FCRL3: variants seen among roughly 807,000 people sequenced by gnomAD.
FCRL3 encodes Fc receptor-like protein 3.
FCRL3 carries 89 observed loss-of-function variants against 75.0 expected under a neutral mutation model. That is an observed-to-expected ratio of 1.19 (90% CI 1.00 to 1.42). The LOEUF is 1.42. FCRL3 is among the 40% of genes most tolerant of loss of function. The pLI, the probability that FCRL3 is intolerant of heterozygous loss-of-function variation, is 0.00. For synonymous variants in FCRL3, 376 were observed against 348.5 expected, an observed-to-expected ratio of 1.08 and a Z score of -0.88; for missense variants, 946 against 880.0, an observed-to-expected ratio of 1.07 and a Z score of -0.95.
Position 157,683,124 on chromosome 1 carries a change from A to G in FCRL3, c.1838+93T>C, listed in dbSNP as rs1358041760. ...GTAAGAACGTAAAAATGCTACTAGG[A>G]AATCCATTGAAATTTAAAAAAAAAC... On this transcript the variant is annotated intron_variant, in intron 11 of 14. Coordinates refer to ENST00000368184, the MANE Select transcript of FCRL3 (RefSeq NM_052939.4). 3 of 1,389,484 alleles carry G rather than the reference A, an allele frequency of 2.2e-6. No homozygotes were observed. The African/African-American group carries it at 4.6e-5, about 21-fold the overall frequency. The allele number at this position is 1,389,484 out of a possible 1,614,324, so 86.1% of individuals were successfully genotyped here. A position where few individuals can be genotyped will look rare whatever the true frequency, so the allele number is the denominator to read the frequency against.
intron 10 of FCRL3, among the ~76,000 whole-genome samples, chr1:157,685,884 A>T (rs1259868062): frequency 6.6e-6 from 1 of 152,136 alleles, no homozygotes; most frequent in Non-Finnish European, 1.5e-5. Flanking sequence ...ATAAATAAAA[A>T]AATTTTTTTT....
chr1:157,695,086 GA>G (rs1371278642), intron 8 of FCRL3, among the ~76,000 whole-genome samples: 1 of 149,970 alleles, frequency 6.7e-6, no homozygotes, highest in Non-Finnish European at 1.5e-5. Context: ...GCCTCTACCA[GA>G]AAAAAAAATG....
At chr1:157,696,468 G>A (rs1277939409) in intron 6 of FCRL3, 141 bp from the exon 7 acceptor site, 1 of 767,358 alleles carries the variant, frequency 1.3e-6, no homozygotes, top group Non-Finnish European at 2.1e-6. Flanking sequence ...GAAATTAATT[G>A]TGTATACGAT....
At position 157,677,450 on chromosome 1, in the gene FCRL3, T is replaced by C; in HGVS notation, c.*1260A>G. 1.0e-6 allele frequency: 1 copy of C among 985,444 alleles called. No homozygotes were observed. The allele number at this position is 985,444 out of a possible 1,614,324, so 61.0% of individuals were successfully genotyped here. The stretch of plus-strand genomic sequence containing the variant: ...CATTCAGAGATTAATGTTAATATAA[T>C]CTCAGTTGTCCCTAGGACTTGAGGT... On this transcript the variant is annotated 3_prime_UTR_variant, in exon 15 of 15. Transcript: ENST00000368184.
chr1:157,687,100 A>C (rs558592936), intron 10 of FCRL3, among the ~76,000 whole-genome samples: 106 of 151,982 alleles, frequency 7.0e-4, no homozygotes, highest in African/African-American at 2.5e-3. Context: ...AGCAAAAACC[A>C]AATAACCCCA....
chr1:157,683,744 C>T (rs1289959675), intron 10 of FCRL3, among the ~76,000 whole-genome samples: 1 of 152,186 alleles, frequency 6.6e-6, no homozygotes, highest in Non-Finnish European at 1.5e-5. Context: ...TCCAGCAACA[C>T]TGAACTGCAA....
chr1:157,677,100 C>T lies in FCRL3; in HGVS notation c.*1610G>A. ...GACATCATGCCCTGCACTCAAAGGCCAGGATAAGGGTAACAGAGGCCAGTG... is the reference window on the plus strand; with the variant it reads ...GACATCATGCCCTGCACTCAAAGGCTAGGATAAGGGTAACAGAGGCCAGTG... On this transcript the variant is annotated 3_prime_UTR_variant, in exon 15 of 15. Transcript: ENST00000368184. The T allele has an allele frequency of 9.0e-7, 1 of 1,105,130 alleles. No homozygotes were observed. Among genetic ancestry groups the T allele is most frequent in the Non-Finnish European group, 1.1e-6 (1 of 897,484 alleles). 68.5% of individuals were successfully genotyped at this position (1,105,130 alleles called of 1,614,324 possible). A position where few individuals can be genotyped will look rare whatever the true frequency, so the allele number is the denominator to read the frequency against.
At position 157,695,449 on chromosome 1, in the gene FCRL3, A is replaced by G; in HGVS notation, c.1291T>C (p.Ser431Pro). 8.1e-6 allele frequency: 13 copies of G among 1,614,194 alleles called. No homozygotes were observed. Among genetic ancestry groups the G allele is most frequent in the Non-Finnish European group, 1.1e-5 (13 of 1,180,030 alleles). ...AGGTTGAAGGAGGCTCCTCCTCCAGAGGGGGCTGAGCTGTTCCCCAGGGTG... is the reference window on the plus strand; with the variant it reads ...AGGTTGAAGGAGGCTCCTCCTCCAGGGGGGGCTGAGCTGTTCCCCAGGGTG... ...DVTLGNSSAPSGGGASFNLSL... is the reference protein window; with the variant it reads ...DVTLGNSSAPPGGGASFNLSL... Residue 431 changes from serine (S) to proline (P), a missense_variant, in exon 8 of 15, where the codon TCT becomes CCT. By Grantham distance (74) the Ser-to-Pro change is moderately conservative. Coordinates refer to ENST00000368184, the MANE Select transcript of FCRL3 (RefSeq NM_052939.4).
intron 13 of FCRL3, 163 bp from the exon 14 acceptor site, chr1:157,679,136 G>A (rs1654657717): frequency 2.7e-6 from 2 of 741,944 alleles, no homozygotes; most frequent in Non-Finnish European, 4.5e-6. Context: ...AGTACTCCAA[G>A]CCAATCTTCT....
chr1:157,698,492 A>C lies in FCRL3; in HGVS notation c.190T>G (p.Leu64Val), dbSNP rs1275449501. ...GDTYWYHDEKLLKIKHDKIQI... is the reference protein window; with the variant it reads ...GDTYWYHDEKVLKIKHDKIQI... ...ATCTTGTCATGTTTTATTTTCAACAACTTCTCATCGTGATACCAATATGTG... is the reference window on the plus strand; with the variant it reads ...ATCTTGTCATGTTTTATTTTCAACACCTTCTCATCGTGATACCAATATGTG... Residue 64 changes from leucine to valine, a missense_variant, in exon 4 of 15, where the codon TTG becomes GTG. Leu to Val is a conservative substitution (Grantham distance 32). Coordinates refer to ENST00000368184, the MANE Select transcript of FCRL3 (RefSeq NM_052939.4). The C allele has an allele frequency of 2.5e-6, 4 of 1,614,244 alleles. No individual in the cohort carries two copies. Among genetic ancestry groups the C allele is most frequent in the Non-Finnish European group, 3.4e-6 (4 of 1,180,036 alleles).
Position 157,678,152 on chromosome 1 carries a change from G to A in FCRL3, c.*558C>T, listed in dbSNP as rs1654580594. The A allele has an allele frequency of 2.0e-6, 2 of 985,988 alleles. No homozygotes were observed. Among genetic ancestry groups the A allele is most frequent in the South Asian group, 4.7e-5 (1 of 21,318 alleles). 61.1% of individuals were successfully genotyped at this position (985,988 alleles called of 1,614,324 possible). Reference sequence around the variant, plus strand: ...TTTTCATCATAACTAGGGTAATTTGGTTGGGAATGTCACCCTGTAAGTACA... The same window carrying A: ...TTTTCATCATAACTAGGGTAATTTGATTGGGAATGTCACCCTGTAAGTACA... On this transcript the variant is annotated 3_prime_UTR_variant, in exon 15 of 15. Coordinates refer to ENST00000368184, the MANE Select transcript of FCRL3 (RefSeq NM_052939.4).
intron 3 of FCRL3, 108 bp from the exon 4 acceptor site, chr1:157,698,737 T>C (rs907453629): frequency 4.5e-5 from 52 of 1,159,524 alleles, no homozygotes; most frequent in Non-Finnish European, 6.2e-5. Context: ...TAATTTCCAG[T>C]CAGGACCAGG....
In FCRL3 at chr1:157,695,511, G is replaced by A; in HGVS notation, c.1229C>T (p.Ser410Phe). The A allele has an allele frequency of 1.2e-6, 2 of 1,614,186 alleles. No individual in the cohort carries two copies. The highest frequency in any genetic ancestry group is 2.2e-5 in the East Asian group (1 of 44,880). ...LELHCESLRG[S>F]PPILYRFYHE... ...ATAAAATCGGTACAGGATCGGGGGA[G>A]AGCCTCTCAGGGACTCACAGTGAAG... Residue 410 changes from serine (S) to phenylalanine (F), a missense_variant, in exon 8 of 15, where the codon TCT becomes TTT. Coordinates refer to ENST00000368184, the MANE Select transcript of FCRL3 (RefSeq NM_052939.4).
chr1:157,684,888 T>A (rs2101596654), intron 10 of FCRL3, among the ~76,000 whole-genome samples: 1 of 152,164 alleles, frequency 6.6e-6, no homozygotes, highest in South Asian at 2.1e-4. Context: ...ATGTAGAAGG[T>A]CTGAGCTTCT....
At chr1:157,694,412 A>T (rs1193887996) in intron 8 of FCRL3, among the ~76,000 whole-genome samples, 2 of 152,202 alleles carry the variant, frequency 1.3e-5, no homozygotes, top group East Asian at 3.8e-4. Flanking sequence ...TATAGGAAGG[A>T]TTATTATTAA....
intron 10 of FCRL3, among the ~76,000 whole-genome samples, chr1:157,685,122 G>T (rs1655094714): frequency 6.6e-6 from 1 of 151,750 alleles, no homozygotes; most frequent in African/African-American, 2.4e-5. Context: ...TTTCTCTCCT[G>T]GTGCTGTGCT....
chr1:157,683,329 A>T, intron 10 of FCRL3, 85 bp from the exon 11 acceptor site: 1 of 1,513,542 alleles, frequency 6.6e-7, no homozygotes, highest in Non-Finnish European at 9.1e-7. Context: ...CCTAGAAATC[A>T]GATTCATTCT....
In FCRL3 at chr1:157,680,966, C is replaced by G; in HGVS notation, c.1957+15G>C. On this transcript the variant is annotated intron_variant, in intron 12 of 14. Transcript: ENST00000368184. ...GCTCCTCCCTAGAGCCTTCTGCCCC[C>G]TAGGGAGTCCTCACCATTGCTGTAC... 1.3e-6 allele frequency: 2 copies of G among 1,566,300 alleles called. No individual in the cohort carries two copies. Among genetic ancestry groups the G allele is most frequent in the South Asian group, 1.2e-5 (1 of 81,222 alleles).
chr1:157,698,232 T>C, intron 4 of FCRL3, 152 bp downstream of exon 4: 1 of 982,822 alleles, frequency 1.0e-6, no homozygotes, highest in Non-Finnish European at 1.5e-6. Context: ...TCCAGCATCA[T>C]GCTGCTGCCC....
Sources: allele counts gnomAD v4.1 joint callset (sites outside exome capture counted in the v4.1 genomes callset), GRCh38; gene constraint gnomAD v4.1.1; transcripts MANE v1.5; gene names NCBI Gene and HGNC (gene_info 2026-07-23, HGNC 2026-07-21).